Variants in ZNF69 observed in about 807,000 individuals in gnomAD.
ZNF69 encodes the protein zinc finger protein 69.
ZNF69 carries 47 observed loss-of-function variants against 50.9 expected under a neutral mutation model. The ratio of observed to expected loss-of-function variants is 0.92; its 90% CI spans 0.73 to 1.18. The LOEUF (loss-of-function observed/expected upper bound fraction) is 1.18. ZNF69 is among the 50% of genes most tolerant of loss of function. ZNF69 has a pLI of 0.00. For synonymous variants in ZNF69, 216 were observed against 223.1 expected, an observed-to-expected ratio of 0.97 and a Z score of 0.29; for missense variants, 717 against 675.1, an observed-to-expected ratio of 1.06 and a Z score of -0.69.
At chr19:11,979,836 A>G in the ZNF69 span, 1 of 1,549,272 alleles carries the variant, frequency 6.5e-7, no homozygotes, top group Non-Finnish European at 8.9e-7. Flanking sequence ...TCTGCCAAGA[A>G]CCTTCGAATT....
chr19:11,890,924 G>C (rs1217835492), intron 1 of ZNF69, among the ~76,000 whole-genome samples: 1 of 152,054 alleles, frequency 6.6e-6, no homozygotes, highest in Non-Finnish European at 1.5e-5. Context: ...AGTTTGAAGA[G>C]TTTATTCAAG....
chr19:11,979,375 G>A, the ZNF69 span: 6 of 1,611,704 alleles, frequency 3.7e-6, no homozygotes, highest in Non-Finnish European at 4.2e-6. Context: ...AGGAATGTGG[G>A]AAAGCCTTCA....
At chr19:11,912,987 G>T (rs944771531) in intron 4 of ZNF69, among the ~76,000 whole-genome samples, 6 of 152,212 alleles carry the variant, frequency 3.9e-5, no homozygotes, top group Non-Finnish European at 8.8e-5. Context: ...CACGAGGCCA[G>T]GAGATCGAGA....
the ZNF69 span, among the ~76,000 whole-genome samples, chr19:11,923,404 C>A: frequency 6.6e-6 from 1 of 152,172 alleles, no homozygotes; most frequent in Non-Finnish European, 1.5e-5. Context: ...GCAACAGCAC[C>A]CCGTCCCATG....
chr19:11,956,692 C>T, the ZNF69 span: 1 of 393,978 alleles, frequency 2.5e-6, no homozygotes, highest in East Asian at 3.6e-5. Context: ...CCCATCTCTA[C>T]TAAAAATACA....
At chr19:11,959,026 G>A in the ZNF69 span, among the ~76,000 whole-genome samples, 4 of 152,138 alleles carry the variant, frequency 2.6e-5, no homozygotes, top group Admixed American at 6.6e-5. Context: ...GGGACTACAG[G>A]CACATGACAC....
In ZNF69 at chr19:11,905,584, C is replaced by T. The variant is rs1286436331; in HGVS notation, c.1187C>T (p.Ala396Val). 2 of 1,613,876 alleles carry T rather than the reference C, an allele frequency of 1.2e-6. No individual in the cohort carries two copies. Among genetic ancestry groups the T allele is most frequent in the Non-Finnish European group, 8.5e-7 (1 of 1,179,990 alleles). The stretch of plus-strand genomic sequence containing the variant: ...TATAAATGCAAGCAATGTGGTAAAG[C>T]CTTCATTCATTCCAGTTCCCTTCGT... Reference protein sequence around the residue: ...KPYKCKQCGKAFIHSSSLRYH... With the variant: ...KPYKCKQCGKVFIHSSSLRYH... Residue 396 changes from alanine to valine, a missense_variant, in exon 4 of 4, where the codon GCC becomes GTC. Physicochemically the swap from Ala to Val is moderately conservative, Grantham distance 64. Coordinates refer to ENST00000429654, the MANE Select transcript of ZNF69 (RefSeq NM_001364730.1).
the ZNF69 span, among the ~76,000 whole-genome samples, chr19:11,974,480 G>A: frequency 1.3e-5 from 2 of 151,908 alleles, no homozygotes; most frequent in East Asian, 1.9e-4. Context: ...ATAGGTGTGA[G>A]CCACTGCCCC....
At chr19:11,918,291 C>T (rs186180775), downstream of ZNF69, among the ~76,000 whole-genome samples, 555 of 152,230 alleles carry the variant, frequency 3.6e-3, 1 homozygote, top group Middle Eastern at 0.01. Context: ...TTGTGATTTG[C>T]CAACACTTTG....
the ZNF69 span, among the ~76,000 whole-genome samples, chr19:11,920,651 G>T: frequency 1.1e-3 from 1 of 870 alleles, no homozygotes; most frequent in South Asian, 0.17. Flanking sequence ...ACTTTGGGAG[G>T]CTGAGGGGGG....
downstream of ZNF69, among the ~76,000 whole-genome samples, chr19:11,914,681 A>G (rs1320165845): frequency 6.6e-6 from 1 of 152,164 alleles, no homozygotes; most frequent in Non-Finnish European, 1.5e-5. Flanking sequence ...GCTTAGAACA[A>G]TTCAGTCACT....
the ZNF69 span, among the ~76,000 whole-genome samples, chr19:11,928,300 A>T: frequency 6.6e-6 from 1 of 152,060 alleles, no homozygotes; most frequent in Non-Finnish European, 1.5e-5. Context: ...CTAACAACTT[A>T]ATTCGTAATG....
chr19:11,915,526 G>T (rs1808390549), downstream of ZNF69, among the ~76,000 whole-genome samples: 1 of 152,224 alleles, frequency 6.6e-6, no homozygotes, highest in South Asian at 2.1e-4. Context: ...GGCCCAAAGG[G>T]TGTTCATATG....
chr19:11,931,146 A>C, the ZNF69 span, among the ~76,000 whole-genome samples: 2 of 148,252 alleles, frequency 1.3e-5, no homozygotes, highest in Non-Finnish European at 2.9e-5. Context: ...GTGCCTCTCT[A>C]TCTTAGTCAT....
At chr19:11,903,522 C>A in intron 1 of ZNF69, 51 bp from the exon 2 acceptor site, 1 of 1,609,498 alleles carries the variant, frequency 6.2e-7, no homozygotes. Flanking sequence ...GTCTAGGCCC[C>A]CAGTGCTGTC....
chr19:11,963,015 C>CCTGTTATGTTTTA, the ZNF69 span, among the ~76,000 whole-genome samples: 1 of 151,490 alleles, frequency 6.6e-6, no homozygotes, highest in African/African-American at 2.4e-5. Flanking sequence ...AATATCACCA[C>CCTGTTATGTTTTA]CTGTTATGTT....
chr19:11,918,611 C>T (rs1972541199), downstream of ZNF69, among the ~76,000 whole-genome samples: 1 of 151,938 alleles, frequency 6.6e-6, no homozygotes, highest in Admixed American at 6.6e-5. Context: ...GGCTTTCTGC[C>T]CAGCTAATTT....
chr19:11,957,345 C>T, the ZNF69 span, among the ~76,000 whole-genome samples: 26 of 151,944 alleles, frequency 1.7e-4, no homozygotes, highest in South Asian at 4.2e-4. Context: ...CTGCCTGCTT[C>T]GGCCTCCCAA....
At chr19:11,925,380 T>G in the ZNF69 span, 1 of 1,527,680 alleles carries the variant, frequency 6.5e-7, no homozygotes, top group Non-Finnish European at 8.9e-7. Context: ...CTCCGGGGTC[T>G]GGGACCGAGT....
Sources: gnomAD v4.1 joint callset for allele counts (sites outside exome capture counted in the v4.1 genomes callset) on GRCh38, gnomAD v4.1.1 for gene constraint, MANE v1.5 for transcripts, NCBI Gene and HGNC (gene_info 2026-07-23, HGNC 2026-07-21) for gene names.